Variants in PRKN observed in about 807,000 individuals in gnomAD.
PRKN encodes parkin RBR E3 ubiquitin protein ligase.
Under a neutral mutation model 59.5 loss-of-function variants are expected in PRKN, and 56 were observed. The observed-to-expected ratio is 0.94, with a 90% confidence interval of 0.76 to 1.18. The LOEUF is 1.18. Ranked by LOEUF, PRKN falls within the 50% of genes most tolerant of loss-of-function variation. The pLI, the probability that PRKN is intolerant of heterozygous loss-of-function variation, is 0.00. For missense variants in PRKN, 657 were observed against 596.4 expected (o/e 1.10, Z -1.06); for synonymous variants, 250 against 222.1 (o/e 1.13, Z -1.12).
chr6:161,787,103 T>C (rs528357365), intron 6 of PRKN, among the ~76,000 whole-genome samples: 14 of 152,268 alleles, frequency 9.2e-5, no homozygotes, highest in South Asian at 4.1e-4. Context: ...AATAAACATG[T>C]TCATTTTATA....
chr6:161,855,082 CAAAAAAAAAAAAA>C (rs1203185737), intron 6 of PRKN, among the ~76,000 whole-genome samples: 5 of 45,652 alleles, frequency 1.1e-4, no homozygotes, highest in African/African-American at 3.9e-4. Flanking sequence ...GACTTCATCT[CAAAAAAAAAAAAA>C]AAAGAAAAAA....
chr6:162,443,539 G>T, intron 1 of PRKN, 66 bp from the exon 2 acceptor site: 2 of 1,446,858 alleles, frequency 1.4e-6, no homozygotes, highest in Non-Finnish European at 1.9e-6. Flanking sequence ...AATGGTGATA[G>T]CAACATTTCT....
At chr6:162,631,990 A>G (rs1391784678) in intron 1 of PRKN, among the ~76,000 whole-genome samples, 1 of 151,550 alleles carries the variant, frequency 6.6e-6, no homozygotes, top group African/African-American at 2.4e-5. Flanking sequence ...AAAAGTAAAA[A>G]AAAAAAAAAA....
chr6:162,698,945 G>A (rs982681612), intron 1 of PRKN, among the ~76,000 whole-genome samples: 2 of 152,186 alleles, frequency 1.3e-5, no homozygotes, highest in African/African-American at 2.4e-5. Context: ...AGAGTTCACA[G>A]AAACAACAGT....
At chr6:161,822,366 T>C (rs1486173252) in intron 6 of PRKN, among the ~76,000 whole-genome samples, 1 of 152,188 alleles carries the variant, frequency 6.6e-6, no homozygotes, top group Non-Finnish European at 1.5e-5. Flanking sequence ...GAGGCATGCA[T>C]CTTGGACGAT....
In PRKN at chr6:162,510,767, C is replaced by CA. The variant is rs764040335; in HGVS notation, c.8-67295dup. ...TGAAACCCTGTATCTACTAAAAATG[C>CA]AAAAAATTAGCCAGGTGTGGTGGTA... On this transcript the variant is annotated intron_variant, in intron 1 of 11. Coordinates refer to ENST00000366898, the MANE Select transcript of PRKN (RefSeq NM_004562.3). 5.1e-4 allele frequency among the ~76,000 whole-genome samples: 78 copies of CA among 151,938 alleles called. 5 individuals carry two copies. The highest frequency in any genetic ancestry group is 2.7e-3 in the Admixed American group (41 of 15,256).
intron 7 of PRKN, among the ~76,000 whole-genome samples, chr6:161,695,841 C>T (rs1785999328): frequency 6.6e-6 from 1 of 152,062 alleles, no homozygotes. Flanking sequence ...TTTTCAATTC[C>T]ATAAAATAGA....
chr6:162,144,286 T>C (rs1345247882), intron 4 of PRKN, among the ~76,000 whole-genome samples: 1 of 152,156 alleles, frequency 6.6e-6, no homozygotes, highest in Non-Finnish European at 1.5e-5. Context: ...ACATAAAATA[T>C]GCAAGATGGA....
At chr6:161,897,379 T>A (rs1777668002) in intron 6 of PRKN, among the ~76,000 whole-genome samples, 1 of 152,180 alleles carries the variant, frequency 6.6e-6, no homozygotes, top group Non-Finnish European at 1.5e-5. Flanking sequence ...CTTATTTATG[T>A]ATGTGTTGAG....
chr6:162,110,938 G>A (rs1001508560), intron 4 of PRKN, among the ~76,000 whole-genome samples: 19 of 152,170 alleles, frequency 1.2e-4, no homozygotes, highest in African/African-American at 4.3e-4. Flanking sequence ...CTGGCCTGAC[G>A]TCTTTAAGTA....
chr6:162,563,165 G>C (rs1486532137), intron 1 of PRKN, among the ~76,000 whole-genome samples: 1 of 152,152 alleles, frequency 6.6e-6, no homozygotes, highest in African/African-American at 2.4e-5. Context: ...TTAGCCAGAC[G>C]TAGTGGTGGG....
At chr6:162,601,217 G>C (rs999590770) in intron 1 of PRKN, among the ~76,000 whole-genome samples, 4 of 151,610 alleles carry the variant, frequency 2.6e-5, no homozygotes, top group Admixed American at 2.6e-4. Flanking sequence ...TCCCATCATA[G>C]TGGCCCCACC....
intron 4 of PRKN, among the ~76,000 whole-genome samples, chr6:162,090,990 G>A (rs1779471474): frequency 1.3e-5 from 2 of 152,128 alleles, no homozygotes; most frequent in Non-Finnish European, 2.9e-5. Context: ...TTCTTAATTA[G>A]CAACCATGTG....
rs1048190198 is a variant in PRKN at position 161,379,205 on chromosome 6, T to C, written c.1167+7589A>G. On this transcript the variant is annotated intron_variant, in intron 10 of 11. Coordinates refer to ENST00000366898, the MANE Select transcript of PRKN (RefSeq NM_004562.3). The surrounding 1 kb of genome is among the most constrained non-coding windows in gnomAD (Gnocchi z 4.9). ...CCAATGTTGATAGCAAATCATTCAGTAGTCATGGCTTTAGAATGGCACCCA... is the reference window on the plus strand; with the variant it reads ...CCAATGTTGATAGCAAATCATTCAGCAGTCATGGCTTTAGAATGGCACCCA... Among the ~76,000 whole-genome samples, 1 of 152,128 alleles carries C rather than the reference T, an allele frequency of 6.6e-6. No individual in the cohort carries two copies. Among genetic ancestry groups the C allele is most frequent in the African/African-American group, 2.4e-5 (1 of 41,420 alleles).
intron 2 of PRKN, among the ~76,000 whole-genome samples, chr6:162,319,835 A>G (rs2128121158): frequency 6.6e-6 from 1 of 152,090 alleles, no homozygotes; most frequent in South Asian, 2.1e-4. Flanking sequence ...ATTCATCAGC[A>G]TGCTTATTTT....
intron 6 of PRKN, among the ~76,000 whole-genome samples, chr6:161,870,655 C>T (rs192837938): frequency 8.2e-4 from 125 of 152,198 alleles, no homozygotes; most frequent in African/African-American, 2.9e-3. Flanking sequence ...ATCAGTAGAG[C>T]TATTTAAAAA....
Position 161,386,845 on chromosome 6 carries a change from G to A in PRKN, c.1116C>T (p.Tyr372=), listed in dbSNP as rs773860689. Residue 372 remains tyrosine, a synonymous_variant, in exon 10 of 12, where the codon TAC becomes TAT. Transcript: ENST00000366898. This position sits in a 1 kb window ranked among gnomAD's most constrained non-coding sequence, Gnocchi z 4.3. ...ATACGGCACTGCACTCCCCTTCATG[G>A]TACGCTTCTTTACATTCCCGGCAGA... is the stretch of plus-strand genomic sequence containing the variant. The part of the protein sequence containing the change: ...FAFCRECKEA[Y]HEGECSAVFE... 6 of 1,613,958 alleles carry A rather than the reference G, an allele frequency of 3.7e-6. No individual in the cohort carries two copies. In the South Asian group the frequency reaches 5.5e-5, roughly 15 times the overall value.
At chr6:162,327,903 A>G (rs1392224876) in intron 2 of PRKN, among the ~76,000 whole-genome samples, 3 of 152,102 alleles carry the variant, frequency 2.0e-5, no homozygotes, top group Non-Finnish European at 2.9e-5. Flanking sequence ...GAATCACCAG[A>G]GTCTTCCCCA....
chr6:161,839,101 G>A (rs1313312365), intron 6 of PRKN, among the ~76,000 whole-genome samples: 1 of 152,162 alleles, frequency 6.6e-6, no homozygotes, highest in East Asian at 1.9e-4. Context: ...AAGAAGCGCT[G>A]TTAAGTGACA....
Sources: allele counts gnomAD v4.1 joint callset (sites outside exome capture counted in the v4.1 genomes callset), GRCh38; gene constraint gnomAD v4.1.1; non-coding constraint Gnocchi (gnomAD v3.1); transcripts MANE v1.5; gene names NCBI Gene and HGNC (gene_info 2026-07-23, HGNC 2026-07-21).